The following ZFAND3 variants were observed in gnomAD, a reference collection of about 807,000 sequenced individuals.
The protein encoded by ZFAND3 is zinc finger AN1-type containing 3, also known as AN1-type zinc finger protein 3.
Under a neutral mutation model 29.6 loss-of-function variants are expected in ZFAND3, and 10 were observed. The ratio of observed to expected loss-of-function variants is 0.34; its 90% CI spans 0.21 to 0.57. ZFAND3 has a LOEUF of 0.57. Ranked by LOEUF, ZFAND3 falls within the 20% of genes least tolerant of loss-of-function variation. ZFAND3 has a pLI of 0.86. For synonymous variants in ZFAND3, 128 were observed against 112.6 expected (o/e 1.14, Z -0.87); for missense variants, 230 against 304.5 (o/e 0.76, Z 1.82).
chr6:38,134,115 G>A (rs148143442), intron 5 of ZFAND3, among the ~76,000 whole-genome samples: 188 of 152,270 alleles, frequency 1.2e-3, no homozygotes, highest in Middle Eastern at 3.4e-3. Context: ...GTTGTGTCCC[G>A]AATGCCACAT....
At chr6:38,123,678 C>G (rs145547695) in intron 5 of ZFAND3, among the ~76,000 whole-genome samples, 9,980 of 152,148 alleles carry the variant, frequency 0.066, 447 homozygotes, top group Middle Eastern at 0.11. Flanking sequence ...TTGGTGGGTT[C>G]TTGGTCTCAC....
At chr6:38,148,180 G>C (rs1766148332) in intron 5 of ZFAND3, among the ~76,000 whole-genome samples, 1 of 152,122 alleles carries the variant, frequency 6.6e-6, no homozygotes, top group Non-Finnish European at 1.5e-5. Flanking sequence ...GCATGTAGCA[G>C]GCCAATTCTC....
At chr6:37,827,304 G>A (rs34011349) in intron 1 of ZFAND3, among the ~76,000 whole-genome samples, 19,801 of 152,124 alleles carry the variant, frequency 0.13, 2,099 homozygotes, top group African/African-American at 0.3. Context: ...AGCTCTTTTA[G>A]CACTGTTAAA....
At chr6:38,130,089 T>G (rs1765714233) in intron 5 of ZFAND3, among the ~76,000 whole-genome samples, 2 of 152,094 alleles carry the variant, frequency 1.3e-5, no homozygotes, top group Non-Finnish European at 2.9e-5. Flanking sequence ...TTTGTTTGTT[T>G]TGTTTTTGCA....
chr6:38,064,216 G>A (rs1368483827), intron 3 of ZFAND3, among the ~76,000 whole-genome samples: 2 of 152,190 alleles, frequency 1.3e-5, no homozygotes, highest in African/African-American at 4.8e-5. Flanking sequence ...GATTGGATTC[G>A]TGCATACCAG....
chr6:37,895,213 G>A (rs182520506), intron 1 of ZFAND3, among the ~76,000 whole-genome samples: 4 of 151,782 alleles, frequency 2.6e-5, no homozygotes, highest in Admixed American at 2.6e-4. Flanking sequence ...GTTTTATTGT[G>A]ACTATTTACT....
chr6:38,116,425 AC>A (rs1324768581), intron 4 of ZFAND3, 146 bp from the exon 5 acceptor site: 5 of 902,650 alleles, frequency 5.5e-6, no homozygotes, highest in African/African-American at 5.0e-5. Flanking sequence ...TGCAGTATAA[AC>A]CAAGCAAGTC....
At chr6:37,853,412 GAAAA>G (rs56738009) in intron 1 of ZFAND3, among the ~76,000 whole-genome samples, 6 of 65,880 alleles carry the variant, frequency 9.1e-5, no homozygotes, top group South Asian at 5.8e-4. Context: ...TGAGCCTCAA[GAAAA>G]AAAAAAAAAA....
At chr6:37,975,711 T>G (rs1333990513) in intron 2 of ZFAND3, among the ~76,000 whole-genome samples, 3 of 151,874 alleles carry the variant, frequency 2.0e-5, no homozygotes, top group African/African-American at 7.3e-5. Flanking sequence ...TATGTGGGGG[T>G]TTTTTTTCTG....
At chr6:37,892,502 T>C (rs1765123346) in intron 1 of ZFAND3, among the ~76,000 whole-genome samples, 1 of 152,214 alleles carries the variant, frequency 6.6e-6, no homozygotes, top group Admixed American at 6.5e-5. Flanking sequence ...TCAATGCCTA[T>C]GTTAAGAGGG....
intron 2 of ZFAND3, among the ~76,000 whole-genome samples, chr6:37,962,384 T>G (rs1436141211): frequency 2.0e-5 from 3 of 152,192 alleles, no homozygotes; most frequent in Non-Finnish European, 4.4e-5. Context: ...TAAGAGTTAC[T>G]GGGCTTAAAG....
rs1203556484 is a variant in ZFAND3, at chr6:37,930,285, C to T, written c.112+286C>T. ...GTATACAGTAGAACTGTAAAAAATG[C>T]GTGCTCATCTTGACTTGAATGATTA... is the stretch of plus-strand genomic sequence containing the variant. On this transcript the variant is annotated intron_variant, in intron 2 of 5. Transcript: ENST00000287218. 4.6e-5 allele frequency among the ~76,000 whole-genome samples: 7 copies of T among 152,146 alleles called. 1 individual carries two copies. In the South Asian group the frequency reaches 8.3e-4, roughly 18 times the overall value.
chr6:37,897,379 C>T lies in ZFAND3; in HGVS notation c.72-32580C>T, dbSNP rs531287415. Among the ~76,000 whole-genome samples the T allele has an allele frequency of 5.0e-4, 76 of 152,270 alleles. 1 individual carries two copies. Among genetic ancestry groups the T allele is most frequent in the African/African-American group, 1.7e-3 (71 of 41,548 alleles). On this transcript the variant is annotated intron_variant, in intron 1 of 5. Coordinates refer to ENST00000287218, the MANE Select transcript of ZFAND3 (RefSeq NM_021943.3). Reference sequence around the variant, plus strand: ...TTGCTTATGGTAGTAATTCTCATCCCATTGTGTGAATACAGAACAGTTTAT... The same window carrying T: ...TTGCTTATGGTAGTAATTCTCATCCTATTGTGTGAATACAGAACAGTTTAT...
At chr6:37,987,360 GGTGA>G (rs1762688259) in intron 2 of ZFAND3, among the ~76,000 whole-genome samples, 1 of 152,074 alleles carries the variant, frequency 6.6e-6, no homozygotes, top group Non-Finnish European at 1.5e-5. Flanking sequence ...TCTTTCAATT[GGTGA>G]GTATTAACCA....
At chr6:37,943,179 C>T (rs776094564) in intron 2 of ZFAND3, among the ~76,000 whole-genome samples, 1 of 152,096 alleles carries the variant, frequency 6.6e-6, no homozygotes, top group Non-Finnish European at 1.5e-5. Context: ...GCATTTCTAA[C>T]ATTGTACTGG....
rs1455252901 is a variant in ZFAND3 at position 38,003,318 on chromosome 6, G to A, written c.113-58275G>A. ...GATGCACAAAGTGTAGGCCTGAAAT[G>A]AAAGCTATTCCTGGGATGCACTGAG... is the stretch of plus-strand genomic sequence containing the variant. On this transcript the variant is annotated intron_variant, in intron 2 of 5. Transcript: ENST00000287218. The A allele has an allele frequency of 2.0e-5, 3 of 153,422 alleles. No individual in the cohort carries two copies. In the Admixed American group the frequency reaches 2.0e-4, roughly 10 times the overall value. 9.5% of individuals were successfully genotyped at this position (153,422 alleles called of 1,614,324 possible). A position where few individuals can be genotyped will look rare whatever the true frequency, so the allele number is the denominator to read the frequency against.
chr6:38,107,650 G>A (rs1156792063), intron 4 of ZFAND3, among the ~76,000 whole-genome samples: 3 of 152,172 alleles, frequency 2.0e-5, no homozygotes, highest in Non-Finnish European at 4.4e-5. Flanking sequence ...TGGGCAACAT[G>A]GCAAAACTCT....
At chr6:37,925,371 A>G (rs772865172) in intron 1 of ZFAND3, among the ~76,000 whole-genome samples, 6 of 152,124 alleles carry the variant, frequency 3.9e-5, no homozygotes, top group Non-Finnish European at 8.8e-5. Flanking sequence ...CATCTTGCTG[A>G]GTGTTGTATC....
chr6:37,831,952 T>C (rs1188528585), intron 1 of ZFAND3, among the ~76,000 whole-genome samples: 2 of 152,192 alleles, frequency 1.3e-5, no homozygotes, highest in African/African-American at 4.8e-5. Flanking sequence ...ATATTTATAA[T>C]ATGTTTCAAA....
Sources: allele counts gnomAD v4.1 joint callset (sites outside exome capture counted in the v4.1 genomes callset), GRCh38; gene constraint gnomAD v4.1.1; transcripts MANE v1.5; gene names NCBI Gene and HGNC (gene_info 2026-07-23, HGNC 2026-07-21).